The following MIPOL1 variants were observed in gnomAD, a reference collection of about 807,000 sequenced individuals.
MIPOL1 encodes the protein mirror-image polydactyly gene 1 protein.
Under a neutral mutation model 60.9 loss-of-function variants are expected in MIPOL1, and 57 were observed. The observed-to-expected ratio is 0.94, with a 90% confidence interval of 0.76 to 1.17. MIPOL1 has a LOEUF of 1.17. Ranked by LOEUF, MIPOL1 falls within the 50% of genes most tolerant of loss-of-function variation. MIPOL1 has a pLI of 0.00. For synonymous variants in MIPOL1, 179 were observed against 168.8 expected, an observed-to-expected ratio of 1.06 and a Z score of -0.47; for missense variants, 551 against 511.6, an observed-to-expected ratio of 1.08 and a Z score of -0.74.
At chr14:37,298,332 T>TA (rs930292361) in intron 7 of MIPOL1, among the ~76,000 whole-genome samples, 2 of 151,798 alleles carry the variant, frequency 1.3e-5, no homozygotes, top group Non-Finnish European at 1.5e-5. Context: ...ATGTTAGACC[T>TA]AAAACCATAA....
intron 7 of MIPOL1, among the ~76,000 whole-genome samples, chr14:37,297,042 T>C (rs1037970449): frequency 2.0e-5 from 3 of 152,180 alleles, no homozygotes; most frequent in African/African-American, 7.2e-5. Flanking sequence ...TGAACATTGA[T>C]GCAAAAATCC....
intron 9 of MIPOL1, among the ~76,000 whole-genome samples, chr14:37,350,918 T>A (rs537498755): frequency 1.4e-3 from 213 of 152,294 alleles, no homozygotes; most frequent in African/African-American, 4.9e-3. Context: ...CTCATTTTTT[T>A]AAATTATACT....
intron 10 of MIPOL1, among the ~76,000 whole-genome samples, chr14:37,394,383 T>C (rs2093331559): frequency 1.3e-5 from 2 of 151,944 alleles, no homozygotes; most frequent in Admixed American, 6.6e-5. Flanking sequence ...CCACCAGCAG[T>C]GTAGAAGTGT....
intron 12 of MIPOL1, among the ~76,000 whole-genome samples, chr14:37,533,943 G>T (rs1289599676): frequency 6.6e-6 from 1 of 151,908 alleles, no homozygotes; most frequent in Non-Finnish European, 1.5e-5. Flanking sequence ...CAAAAAATTA[G>T]CTGGGTATGA....
At position 37,242,395 on chromosome 14, in the gene MIPOL1, C is replaced by T. The variant is rs1351802682; in HGVS notation, c.-198-4708C>T. 2.0e-5 allele frequency among the ~76,000 whole-genome samples: 3 copies of T among 152,110 alleles called. No individual in the cohort carries two copies. In the East Asian group the frequency reaches 5.8e-4, roughly 29 times the overall value. On this transcript the variant is annotated intron_variant, in intron 1 of 12. Transcript: ENST00000684589. ...TTTTTCTGTTTTTAATTTATCCATA[C>T]TTTGTGCCTGTATTGTTTTGACCGA...
At chr14:37,500,601 A>G (rs2095202084) in intron 12 of MIPOL1, among the ~76,000 whole-genome samples, 1 of 152,216 alleles carries the variant, frequency 6.6e-6, no homozygotes, top group African/African-American at 2.4e-5. Context: ...CTTCTGAAGT[A>G]TTCAATACTG....
chr14:37,333,775 A>C (rs2089910555), intron 9 of MIPOL1, among the ~76,000 whole-genome samples: 1 of 152,098 alleles, frequency 6.6e-6, no homozygotes, highest in African/African-American at 2.4e-5. Context: ...TTTGGCAATC[A>C]TTATTGGAGG....
At chr14:37,247,758 C>A in intron 2 of MIPOL1, 71 bp from the exon 3 acceptor site, 2 of 774,946 alleles carry the variant, frequency 2.6e-6, no homozygotes, top group Non-Finnish European at 4.1e-6. Context: ...CTCTGTTAAA[C>A]AAAGGTAAGA....
intron 10 of MIPOL1, among the ~76,000 whole-genome samples, chr14:37,377,726 TTTC>T (rs2092814894): frequency 6.7e-6 from 1 of 150,088 alleles, no homozygotes; most frequent in South Asian, 2.1e-4. Context: ...GCGGTGGTTA[TTTC>T]TTTCCTATTT....
intron 9 of MIPOL1, among the ~76,000 whole-genome samples, chr14:37,365,610 A>G (rs1383725675): frequency 2.0e-5 from 3 of 151,728 alleles, no homozygotes; most frequent in African/African-American, 7.2e-5. Context: ...CACGTTTGCT[A>G]GTATTTTGTT....
chr14:37,455,324 C>A (rs1460589627), intron 11 of MIPOL1, among the ~76,000 whole-genome samples: 1 of 152,046 alleles, frequency 6.6e-6, no homozygotes, highest in East Asian at 1.9e-4. Flanking sequence ...AGAAATAGCT[C>A]CCTAAATAAT....
At chr14:37,393,616 T>TA (rs2093303350) in intron 10 of MIPOL1, among the ~76,000 whole-genome samples, 1 of 152,060 alleles carries the variant, frequency 6.6e-6, no homozygotes, top group Non-Finnish European at 1.5e-5. Context: ...GTTTCTAAAT[T>TA]AAAGAGGACT....
intron 11 of MIPOL1, among the ~76,000 whole-genome samples, chr14:37,425,634 G>C (rs1351775889): frequency 6.6e-6 from 1 of 152,016 alleles, no homozygotes; most frequent in Non-Finnish European, 1.5e-5. Context: ...GGTTGTTTTA[G>C]GTATATTCAG....
Position 37,422,969 on chromosome 14 carries a change from G to T in MIPOL1, c.1031+20G>T. On this transcript the variant is annotated intron_variant, in intron 11 of 12. Coordinates refer to ENST00000684589, the MANE Select transcript of MIPOL1 (RefSeq NM_001388067.1). Reference sequence around the variant, plus strand: ...CTACAGGTAAAATTCTTTTTAGCCTGGGGTTAAGTAAATATTGTTAGTTTG... The same window carrying T: ...CTACAGGTAAAATTCTTTTTAGCCTTGGGTTAAGTAAATATTGTTAGTTTG... 1 of 1,458,160 alleles carries T rather than the reference G, an allele frequency of 6.9e-7. No individual in the cohort carries two copies. The allele number at this position is 1,458,160 out of a possible 1,614,324, so 90.3% of individuals were successfully genotyped here. A position where few individuals can be genotyped will look rare whatever the true frequency, so the allele number is the denominator to read the frequency against.
intron 11 of MIPOL1, among the ~76,000 whole-genome samples, chr14:37,493,259 G>C (rs1446316654): frequency 6.6e-6 from 1 of 152,136 alleles, no homozygotes; most frequent in Non-Finnish European, 1.5e-5. Context: ...TTACAATTAA[G>C]ATAGAGTTCA....
chr14:37,239,389 A>G (rs1972011262), intron 1 of MIPOL1, among the ~76,000 whole-genome samples: 1 of 152,140 alleles, frequency 6.6e-6, no homozygotes, highest in East Asian at 1.9e-4. Context: ...GTGCAACTGT[A>G]TTAGTATTAA....
At chr14:37,471,285 C>CAT (rs1481036743) in intron 11 of MIPOL1, among the ~76,000 whole-genome samples, 1 of 152,112 alleles carries the variant, frequency 6.6e-6, no homozygotes, top group Admixed American at 6.5e-5. Flanking sequence ...GGAATATTTT[C>CAT]ATAATTTAGT....
In MIPOL1 at chr14:37,369,620, T is replaced by C; in HGVS notation, c.932T>C (p.Leu311Pro). Residue 311 changes from leucine (L) to proline (P), a missense_variant, in exon 10 of 13, where the codon CTG (leucine) becomes CCG (proline). By Grantham distance (98) the Leu-to-Pro change is moderately conservative (BLOSUM62 -3). Transcript: ENST00000684589. ...LTAENNQERA[L>P]KAKLLSMQQA... ...GCTGAAAACAATCAAGAACGTGCTC[T>C]GAAGGTAAATCTCCGTTCCTTCTTG... is the stretch of plus-strand genomic sequence containing the variant. The C allele has an allele frequency of 6.2e-7, 1 of 1,611,938 alleles. No individual in the cohort carries two copies. Among genetic ancestry groups the C allele is most frequent in the Non-Finnish European group, 8.5e-7 (1 of 1,178,408 alleles).
intron 12 of MIPOL1, among the ~76,000 whole-genome samples, chr14:37,545,429 A>G (rs997220774): frequency 2.0e-5 from 3 of 152,226 alleles, no homozygotes; most frequent in Admixed American, 2.0e-4. Flanking sequence ...AGTATTGCAG[A>G]CTAATCTGAG....
Sources: gnomAD v4.1 joint callset for allele counts (sites outside exome capture counted in the v4.1 genomes callset) on GRCh38, gnomAD v4.1.1 for gene constraint, MANE v1.5 for transcripts, NCBI Gene and HGNC (gene_info 2026-07-23, HGNC 2026-07-21) for gene names.